The following ANKUB1 variants were observed in gnomAD, a reference collection of about 807,000 sequenced individuals.
ANKUB1 encodes the protein ankyrin repeat and ubiquitin domain containing 1, also known as protein ANKUB1.
A neutral mutation model predicts 49.3 loss-of-function variants in ANKUB1; 42 were observed. The ratio of observed to expected loss-of-function variants is 0.85; its 90% CI spans 0.67 to 1.10. The LOEUF is 1.10. Among genes scored for constraint, ANKUB1 ranks in the 50% least tolerant of loss-of-function variants. The pLI is 0.00. For missense variants in ANKUB1, 613 were observed against 642.0 expected, an observed-to-expected ratio of 0.95 and a Z score of 0.49; for synonymous variants, 222 against 231.0, an observed-to-expected ratio of 0.96 and a Z score of 0.35.
At chr3:149,775,859 G>A (rs2130319) in intron 3 of ANKUB1, among the ~76,000 whole-genome samples, 77,621 of 151,860 alleles carry the variant, frequency 0.51, 22,041 homozygotes, top group African/African-American at 0.78. Context: ...TCTAAAATGA[G>A]CATCTGGTAC....
chr3:149,790,912 T>G lies in ANKUB1; in HGVS notation c.103A>C (p.Ile35Leu). ...VKLMIKDYFH[I>L]PLSEDKQGRR... ...CCTTGTTTGTCTTCAGAGAGAGGAA[T>G]GTGGAAATAATCCTTAAAAATCAAT... is the stretch of plus-strand genomic sequence containing the variant. Residue 35 changes from isoleucine (I) to leucine (L), a missense_variant, in exon 2 of 6, where the codon ATT becomes CTT. Ile to Leu is a conservative substitution (Grantham distance 5). Transcript: ENST00000446160. 6.4e-7 allele frequency: 1 copy of G among 1,551,624 alleles called. No homozygotes were observed. The highest frequency in any genetic ancestry group is 8.7e-7 in the Non-Finnish European group (1 of 1,146,946).
chr3:149,771,728 C>T, intron 3 of ANKUB1, among the ~76,000 whole-genome samples: 1 of 152,142 alleles, frequency 6.6e-6, no homozygotes, highest in Non-Finnish European at 1.5e-5. Flanking sequence ...TAGGTGCTCA[C>T]TAAATACTTG....
rs889966016 is a variant in ANKUB1, at chr3:149,761,138, C to A, written c.*346G>T. On this transcript the variant is annotated 3_prime_UTR_variant, in exon 6 of 6. Transcript: ENST00000446160. ...TCTACATTCATATGGCTTAAAAAAC[C>A]AAAACACATTTTTTTAGGAAAAAAA... 2 of 156,018 alleles carry A rather than the reference C, an allele frequency of 1.3e-5. No homozygotes were observed. 9.7% of individuals were successfully genotyped at this position (156,018 alleles called of 1,614,324 possible). A position where few individuals can be genotyped will look rare whatever the true frequency, so the allele number is the denominator to read the frequency against.
chr3:149,792,379 T>C lies in ANKUB1; in HGVS notation c.-13A>G. On this transcript the variant is annotated 5_prime_UTR_variant, in exon 1 of 6. Transcript: ENST00000446160. ...TGAAAATCCTCATTGTACAATTACC[T>C]TTTCAAACAAAAAATATCCAACTTT... 1 of 1,456,676 alleles carries C rather than the reference T, an allele frequency of 6.9e-7. No homozygotes were observed. Among genetic ancestry groups the C allele is most frequent in the Non-Finnish European group, 9.1e-7 (1 of 1,096,240 alleles). 90.2% of individuals were successfully genotyped at this position (1,456,676 alleles called of 1,614,324 possible).
At chr3:149,787,936 T>G (rs905246794) in intron 2 of ANKUB1, among the ~76,000 whole-genome samples, 3 of 152,190 alleles carry the variant, frequency 2.0e-5, no homozygotes, top group Non-Finnish European at 4.4e-5. Flanking sequence ...ACTTGCCAAG[T>G]TTTTGAACTT....
In ANKUB1 at chr3:149,761,401, G is replaced by T; in HGVS notation, c.*83C>A. 1.4e-6 allele frequency: 2 copies of T among 1,436,204 alleles called. No individual in the cohort carries two copies. Among genetic ancestry groups the T allele is most frequent in the Non-Finnish European group, 9.5e-7 (1 of 1,055,524 alleles). The allele number at this position is 1,436,204 out of a possible 1,614,324, so 89.0% of individuals were successfully genotyped here. A position where few individuals can be genotyped will look rare whatever the true frequency, so the allele number is the denominator to read the frequency against. Reference sequence around the variant, plus strand: ...ACTGTTACTAGAGATGATAACATTAGAACTGTTATTAGAAATGTTAACATT... The same window carrying T: ...ACTGTTACTAGAGATGATAACATTATAACTGTTATTAGAAATGTTAACATT... On this transcript the variant is annotated 3_prime_UTR_variant, in exon 6 of 6. Coordinates refer to ENST00000446160, the MANE Select transcript of ANKUB1 (RefSeq NM_001144960.3).
At position 149,766,926 on chromosome 3, in the gene ANKUB1, C is replaced by A. The variant is rs1717052463; in HGVS notation, c.1505+231G>T. 8.9e-6 allele frequency: 10 copies of A among 1,127,582 alleles called. 1 individual carries two copies. The highest frequency in any genetic ancestry group is 1.3e-5 in the Non-Finnish European group (10 of 778,628). The allele number at this position is 1,127,582 out of a possible 1,614,324, so 69.8% of individuals were successfully genotyped here. On this transcript the variant is annotated intron_variant, in intron 5 of 5. Coordinates refer to ENST00000446160, the MANE Select transcript of ANKUB1 (RefSeq NM_001144960.3). ...ACAATTCTTTCTACTGTGTTTCTTT[C>A]CCTCCTGAAAGTTTGAGGAGTAAAG...
intron 5 of ANKUB1, 155 bp downstream of exon 5, chr3:149,767,002 A>G (rs1717055302): frequency 1.0e-6 from 1 of 998,024 alleles, no homozygotes; most frequent in African/African-American, 1.6e-5. Context: ...TGTCCTAGTG[A>G]TGAGGCTAAG....
At chr3:149,780,024 A>G (rs1717784988) in intron 3 of ANKUB1, 4 of 561,608 alleles carry the variant, frequency 7.1e-6, no homozygotes, top group Non-Finnish European at 1.3e-5. Context: ...TTGTAAGGCC[A>G]GGAGAGGGAG....
chr3:149,765,442 A>T (rs1335067429), intron 5 of ANKUB1, among the ~76,000 whole-genome samples: 1 of 152,068 alleles, frequency 6.6e-6, no homozygotes, highest in East Asian at 1.9e-4. Context: ...AGTGGTCCTT[A>T]TGGATTTTAC....
chr3:149,770,653 A>G lies in ANKUB1; in HGVS notation c.473T>C (p.Val158Ala). Reference sequence around the variant, plus strand: ...CAGAAATTCCTTCCATCCATCCCAGACATCCAAGCGAAGTGTTGTGCCTGT... The same window carrying G: ...CAGAAATTCCTTCCATCCATCCCAGGCATCCAAGCGAAGTGTTGTGCCTGT... Reference protein sequence around the residue: ...TDIGTTLRLDVWDGWKEFLMG... With the variant: ...TDIGTTLRLDAWDGWKEFLMG... The change falls in exon 4 of 6, where the codon GTC becomes GCC. Residue 158 changes from valine to alanine, a missense_variant. Val to Ala is a moderately conservative substitution (Grantham distance 64, BLOSUM62 0). Coordinates refer to ENST00000446160, the MANE Select transcript of ANKUB1 (RefSeq NM_001144960.3). 1 of 1,549,866 alleles carries G rather than the reference A, an allele frequency of 6.5e-7. No homozygotes were observed. Among genetic ancestry groups the G allele is most frequent in the South Asian group, 1.2e-5 (1 of 83,522 alleles).
intron 3 of ANKUB1, among the ~76,000 whole-genome samples, chr3:149,776,555 A>G (rs771660960): frequency 3.3e-5 from 5 of 152,204 alleles, no homozygotes; most frequent in Non-Finnish European, 7.3e-5. Flanking sequence ...TTTAAAAAAA[A>G]GTACTCTCTG....
intron 3 of ANKUB1, among the ~76,000 whole-genome samples, chr3:149,776,855 T>G (rs1314733605): frequency 6.6e-6 from 1 of 152,010 alleles, no homozygotes; most frequent in Non-Finnish European, 1.5e-5. Flanking sequence ...GATGCACCTG[T>G]AGTCCCAGCT....
chr3:149,770,618 G>A lies in ANKUB1; in HGVS notation c.508C>T (p.Leu170Phe), dbSNP rs769082690. 5 of 1,550,240 alleles carry A rather than the reference G, an allele frequency of 3.2e-6. No homozygotes were observed. In the South Asian group the frequency reaches 6.0e-5, roughly 19 times the overall value. ...TGGACTTTAAGTTTTTGTCCAAGGA[G>A]ACAACCCATCAGAAATTCCTTCCAT... ...DGWKEFLMGCLLGQKLKVQRY... is the reference protein window; with the variant it reads ...DGWKEFLMGCFLGQKLKVQRY... The change falls in exon 4 of 6, where the codon CTC becomes TTC. Residue 170 changes from leucine (L) to phenylalanine (F), a missense_variant. Leu to Phe is a conservative substitution (Grantham distance 22). Coordinates refer to ENST00000446160, the MANE Select transcript of ANKUB1 (RefSeq NM_001144960.3).
In ANKUB1 at chr3:149,761,566, A is replaced by C. The variant is rs1323377356; in HGVS notation, c.1553T>G (p.Val518Gly). ...GTTAGAAATGCTCTTTTTGGCCAGGACTCTTGCTATTTCTAACTGCTGAAG... is the reference window on the plus strand; with the variant it reads ...GTTAGAAATGCTCTTTTTGGCCAGGCCTCTTGCTATTTCTAACTGCTGAAG... ...RWLQQLEIAR[V>G]LAKKSISNLT... Residue 518 changes from valine to glycine, a missense_variant, in exon 6 of 6, where the codon GTC becomes GGC. Transcript: ENST00000446160. 6.4e-7 allele frequency: 1 copy of C among 1,551,282 alleles called. No individual in the cohort carries two copies. The highest frequency in any genetic ancestry group is 8.7e-7 in the Non-Finnish European group (1 of 1,146,772).
At position 149,768,003 on chromosome 3, in the gene ANKUB1, T is replaced by C; in HGVS notation, c.659A>G (p.Glu220Gly). The change falls in exon 5 of 6, where the codon GAG becomes GGG. Residue 220 changes from glutamate to glycine, a missense_variant. By Grantham distance (98) the Glu-to-Gly change is moderately conservative (BLOSUM62 -2). Coordinates refer to ENST00000446160, the MANE Select transcript of ANKUB1 (RefSeq NM_001144960.3). ...TCGATAGGGGTGAACACCGACTGCCTCGTGGGGCCGCGCACCCTGCTTCAG... is the reference window on the plus strand; with the variant it reads ...TCGATAGGGGTGAACACCGACTGCCCCGTGGGGCCGCGCACCCTGCTTCAG... The part of the protein sequence containing the change: ...WALKQGARPH[E>G]AVGVHPYRAW... 1 of 1,510,004 alleles carries C rather than the reference T, an allele frequency of 6.6e-7. No homozygotes were observed. Among genetic ancestry groups the C allele is most frequent in the Admixed American group, 2.1e-5 (1 of 47,562 alleles). 93.5% of individuals were successfully genotyped at this position (1,510,004 alleles called of 1,614,324 possible).
In ANKUB1 at chr3:149,761,146, A is replaced by AT. The variant is rs533762328; in HGVS notation, c.*337dup. 1.8e-4 allele frequency: 29 copies of AT among 159,044 alleles called. No individual in the cohort carries two copies. In the East Asian group the frequency reaches 3.9e-3, roughly 21 times the overall value. 9.9% of individuals were successfully genotyped at this position (159,044 alleles called of 1,614,324 possible). On this transcript the variant is annotated 3_prime_UTR_variant, in exon 6 of 6. Coordinates refer to ENST00000446160, the MANE Select transcript of ANKUB1 (RefSeq NM_001144960.3). ...CATATGGCTTAAAAAACCAAAACAC[A>AT]TTTTTTTAGGAAAAAAAAAGAAAAA...
intron 2 of ANKUB1, among the ~76,000 whole-genome samples, chr3:149,785,681 T>C (rs910782699): frequency 7.9e-5 from 12 of 152,218 alleles, no homozygotes; most frequent in Admixed American, 7.9e-4. Flanking sequence ...TTGGGTTGGT[T>C]CCAAGTCTTT....
rs1023687887 is a variant in ANKUB1, at chr3:149,768,165, A to T, written c.567-70T>A. On this transcript the variant is annotated intron_variant, in intron 4 of 5. Transcript: ENST00000446160. ...CAAACAGACAAATGTAGTTACACTA[A>T]ATGCTCATGAAATATTCTAGTTGAA... 7 of 1,042,682 alleles carry T rather than the reference A, an allele frequency of 6.7e-6. No individual in the cohort carries two copies. The African/African-American group carries it at 1.1e-4, about 17-fold the overall frequency. 64.6% of individuals were successfully genotyped at this position (1,042,682 alleles called of 1,614,324 possible).
Sources: gnomAD v4.1 joint callset for allele counts (sites outside exome capture counted in the v4.1 genomes callset) on GRCh38, gnomAD v4.1.1 for gene constraint, MANE v1.5 for transcripts, NCBI Gene and HGNC (gene_info 2026-07-23, HGNC 2026-07-21) for gene names.